Variants in UNC13C observed in about 807,000 individuals in gnomAD.
The protein encoded by UNC13C is unc-13 homolog C, also known as protein unc-13 homolog C.
In UNC13C, 174 loss-of-function variants were observed where a neutral mutation model predicts 245.4. The ratio of observed to expected loss-of-function variants is 0.71; its 90% CI spans 0.63 to 0.80. The LOEUF (loss-of-function observed/expected upper bound fraction) is 0.80, where lower values mean the gene tolerates loss of function less well. UNC13C is among the 30% of genes least tolerant of loss of function. The probability of loss-of-function intolerance (pLI) is 0.00; values close to 1 mark genes in which losing one functional copy is unlikely to be tolerated. For missense variants in UNC13C, 2,829 were observed against 2,602.9 expected (o/e 1.09, Z -1.89); for synonymous variants, 992 against 895.1 (o/e 1.11, Z -1.93).
chr15:54,347,274 AC>A (rs1375352089), intron 17 of UNC13C, among the ~76,000 whole-genome samples: 1 of 152,072 alleles, frequency 6.6e-6, no homozygotes, highest in African/African-American at 2.4e-5. Context: ...AACAATGAAA[AC>A]CTTTATTAAC....
At chr15:54,137,211 G>T (rs910698306) in intron 2 of UNC13C, among the ~76,000 whole-genome samples, 1 of 152,104 alleles carries the variant, frequency 6.6e-6, no homozygotes, top group Non-Finnish European at 1.5e-5. Flanking sequence ...ATTTGATCAT[G>T]GTGTATGATC....
chr15:54,291,313 G>A (rs1156937969), intron 10 of UNC13C, among the ~76,000 whole-genome samples: 2 of 151,850 alleles, frequency 1.3e-5, no homozygotes, highest in Non-Finnish European at 2.9e-5. Context: ...CAATGTCATG[G>A]ATTAATTCTT....
At chr15:54,001,430 A>G (rs866566663) in intron 1 of UNC13C, among the ~76,000 whole-genome samples, 6 of 152,292 alleles carry the variant, frequency 3.9e-5, no homozygotes, top group Admixed American at 6.5e-5. Context: ...GTCCTCACGA[A>G]CTTTCAAAAT....
intron 2 of UNC13C, among the ~76,000 whole-genome samples, chr15:54,113,200 T>G (rs2141178862): frequency 6.6e-6 from 1 of 152,148 alleles, no homozygotes; most frequent in Admixed American, 6.5e-5. Context: ...TAAATGTTGG[T>G]TAAGCAAAAG....
intron 17 of UNC13C, among the ~76,000 whole-genome samples, chr15:54,339,033 A>T (rs1452460356): frequency 6.6e-6 from 1 of 151,860 alleles, no homozygotes; most frequent in Non-Finnish European, 1.5e-5. Context: ...TTCCCAGCTA[A>T]TTTTTTTTAT....
intron 4 of UNC13C, among the ~76,000 whole-genome samples, chr15:54,216,066 G>A (rs985910966): frequency 1.0e-3 from 152 of 151,996 alleles, no homozygotes; most frequent in African/African-American, 3.6e-3. Context: ...AGATGCAAAT[G>A]AGAGAGGATG....
chr15:54,049,746 T>TGG (rs1464119371), intron 2 of UNC13C: 1 of 247,956 alleles, frequency 4.0e-6, no homozygotes, highest in Non-Finnish European at 8.1e-6. Context: ...ATTACGTAAG[T>TGG]GTAAAGTATG....
chr15:53,928,817 A>G, the UNC13C span, among the ~76,000 whole-genome samples: 1 of 152,178 alleles, frequency 6.6e-6, no homozygotes, highest in Non-Finnish European at 1.5e-5. Context: ...TGATCTTAAC[A>G]TACAAAAGAT....
At chr15:54,291,581 C>A (rs1208989128) in intron 10 of UNC13C, among the ~76,000 whole-genome samples, 1 of 151,880 alleles carries the variant, frequency 6.6e-6, no homozygotes, top group Admixed American at 6.6e-5. Context: ...CGTCTTATAG[C>A]TAATATGGAT....
chr15:54,243,698 G>T (rs1455984473), intron 7 of UNC13C, among the ~76,000 whole-genome samples: 1 of 152,006 alleles, frequency 6.6e-6, no homozygotes, highest in Non-Finnish European at 1.5e-5. Flanking sequence ...ATCTAATTGT[G>T]GTTTTGATTT....
chr15:54,337,447 C>T (rs890261035), intron 16 of UNC13C, among the ~76,000 whole-genome samples: 2 of 152,232 alleles, frequency 1.3e-5, no homozygotes, highest in South Asian at 2.1e-4. Flanking sequence ...AGCTCCCATC[C>T]ACAGTTTTTC....
At chr15:54,351,336 T>C (rs1244488186) in intron 17 of UNC13C, among the ~76,000 whole-genome samples, 2 of 152,194 alleles carry the variant, frequency 1.3e-5, no homozygotes, top group African/African-American at 4.8e-5. Context: ...ACTTTGTCAC[T>C]ATGGATTCTG....
intron 10 of UNC13C, among the ~76,000 whole-genome samples, chr15:54,272,724 C>T (rs1180958185): frequency 1.3e-5 from 2 of 152,010 alleles, no homozygotes; most frequent in African/African-American, 4.8e-5. Context: ...TGAGATTGAG[C>T]CATTACCTAT....
chr15:54,587,509 C>T (rs764482824), intron 30 of UNC13C, among the ~76,000 whole-genome samples: 4 of 152,192 alleles, frequency 2.6e-5, no homozygotes, highest in South Asian at 2.1e-4. Context: ...ATAATGTAGT[C>T]GTATAACTTC....
At chr15:54,619,782 G>A (rs1188304810) in intron 30 of UNC13C, among the ~76,000 whole-genome samples, 1 of 151,904 alleles carries the variant, frequency 6.6e-6, no homozygotes, top group African/African-American at 2.4e-5. Context: ...GCATTGTATT[G>A]TATGAATGAG....
In UNC13C at chr15:54,013,049, A is replaced by G. The variant is rs1347605433; in HGVS notation, c.146A>G (p.Gln49Arg). The G allele has an allele frequency of 5.0e-6, 8 of 1,613,820 alleles. No individual in the cohort carries two copies. Among genetic ancestry groups the G allele is most frequent in the Non-Finnish European group, 5.9e-6 (7 of 1,179,866 alleles). The change falls in exon 2 of 33, where the codon CAG (glutamine) becomes CGG (arginine). Residue 49 changes from glutamine to arginine, a missense_variant. Coordinates refer to ENST00000260323, the MANE Select transcript of UNC13C (RefSeq NM_001080534.3). The part of the protein sequence containing the change: ...KKDQDFPTAG[Q>R]TKSPKFSYTF... Reference sequence around the variant, plus strand: ...GATCAAGACTTCCCCACTGCTGGCCAGACCAAATCCCCCAAATTTTCTTAC... The same window carrying G: ...GATCAAGACTTCCCCACTGCTGGCCGGACCAAATCCCCCAAATTTTCTTAC...
chr15:54,012,539 C>G (rs936720570), intron 1 of UNC13C, among the ~76,000 whole-genome samples, 109 bp from the exon 2 acceptor site: 1 of 152,192 alleles, frequency 6.6e-6, no homozygotes, highest in Admixed American at 6.5e-5. Context: ...CCTACTTCCT[C>G]TGCAATTTTT....
intron 18 of UNC13C, among the ~76,000 whole-genome samples, chr15:54,411,651 G>A (rs929483427): frequency 1.3e-5 from 2 of 152,078 alleles, no homozygotes. Flanking sequence ...AGCCACTCTT[G>A]TAAGAGTAGC....
chr15:54,604,342 C>T (rs773348101), intron 30 of UNC13C, among the ~76,000 whole-genome samples: 19 of 152,030 alleles, frequency 1.2e-4, no homozygotes, highest in African/African-American at 4.3e-4. Flanking sequence ...TCAGTTTTTC[C>T]GTTAAGAAAC....
Sources: allele counts gnomAD v4.1 joint callset (sites outside exome capture counted in the v4.1 genomes callset), GRCh38; gene constraint gnomAD v4.1.1; transcripts MANE v1.5; gene names NCBI Gene and HGNC (gene_info 2026-07-23, HGNC 2026-07-21).